The following PLPP1 variants were observed in gnomAD, a reference collection of about 807,000 sequenced individuals.
The protein encoded by PLPP1 is phospholipid phosphatase 1.
Under a neutral mutation model 31.2 loss-of-function variants are expected in PLPP1, and 24 were observed. The observed-to-expected ratio is 0.77, with a 90% CI of 0.56 to 1.08. The LOEUF (loss-of-function observed/expected upper bound fraction) is 1.08. PLPP1 is among the 50% of genes least tolerant of loss of function. The probability of loss-of-function intolerance (pLI) is 0.00; values close to 1 mark genes in which losing one functional copy is unlikely to be tolerated. For missense variants in PLPP1, 319 were observed against 342.7 expected (o/e 0.93, Z 0.55); for synonymous variants, 146 against 126.3 (o/e 1.16, Z -1.05).
chr5:55,456,890 A>C (rs1752024910), intron 3 of PLPP1, among the ~76,000 whole-genome samples: 1 of 152,186 alleles, frequency 6.6e-6, no homozygotes, highest in Non-Finnish European at 1.5e-5. Flanking sequence ...GGCCTGGTGC[A>C]GTGGCTCACG....
At chr5:55,520,205 G>C (rs1753635498) in intron 1 of PLPP1, among the ~76,000 whole-genome samples, 1 of 152,150 alleles carries the variant, frequency 6.6e-6, no homozygotes, top group Non-Finnish European at 1.5e-5. Flanking sequence ...TGTTCACCTA[G>C]AAGTACAATC....
In PLPP1 at chr5:55,440,300, G is replaced by A. The variant is rs1302008618; in HGVS notation, c.549+1551C>T. On this transcript the variant is annotated intron_variant, in intron 4 of 5. Coordinates refer to ENST00000307259, the MANE Select transcript of PLPP1 (RefSeq NM_003711.4). Reference sequence around the variant, plus strand: ...CGCCCACACATTCAAACGCCCTTCAGTCCAGTCACAGGCCCATGCTCTGGG... The same window carrying A: ...CGCCCACACATTCAAACGCCCTTCAATCCAGTCACAGGCCCATGCTCTGGG... Among the ~76,000 whole-genome samples, 7 of 152,290 alleles carry A rather than the reference G, an allele frequency of 4.6e-5. No homozygotes were observed. In the East Asian group the frequency reaches 1.2e-3, roughly 25 times the overall value.
chr5:55,445,535 CTTTTTTTTTTTT>C (rs753276317), intron 3 of PLPP1, among the ~76,000 whole-genome samples: 1 of 79,618 alleles, frequency 1.3e-5, no homozygotes, highest in Non-Finnish European at 2.3e-5. Flanking sequence ...TGCATTCACT[CTTTTTTTTTTTT>C]TTTTTTTTTT....
chr5:55,453,803 C>T (rs1348295768), intron 3 of PLPP1, among the ~76,000 whole-genome samples: 1 of 152,008 alleles, frequency 6.6e-6, no homozygotes, highest in East Asian at 1.9e-4. Context: ...TAGCCGGGTG[C>T]AGTGGCACAC....
Position 55,534,929 on chromosome 5 carries a change from C to A in PLPP1, c.-300G>T. The A allele has an allele frequency of 2.5e-6, 1 of 403,208 alleles. No individual in the cohort carries two copies. The highest frequency in any genetic ancestry group is 4.1e-5 in the South Asian group (1 of 24,592). 25.0% of individuals were successfully genotyped at this position (403,208 alleles called of 1,614,324 possible). A position where few individuals can be genotyped will look rare whatever the true frequency, so the allele number is the denominator to read the frequency against. ...CCTCCTCAGCCGGCACGGCCTGCCC[C>A]GGTTGCTCCCCGTCCGGATCCCGGC... On this transcript the variant is annotated 5_prime_UTR_variant, in exon 1 of 6. Coordinates refer to ENST00000307259, the MANE Select transcript of PLPP1 (RefSeq NM_003711.4).
chr5:55,510,608 C>T (rs1010401492), intron 1 of PLPP1, among the ~76,000 whole-genome samples: 4 of 152,168 alleles, frequency 2.6e-5, no homozygotes, highest in Non-Finnish European at 5.9e-5. Context: ...TTTCAAACCT[C>T]TTGACATGCT....
intron 1 of PLPP1, among the ~76,000 whole-genome samples, chr5:55,521,351 CAAA>C (rs35191893): frequency 1.6e-3 from 226 of 140,972 alleles, no homozygotes; most frequent in Admixed American, 2.0e-3. Context: ...GACTCTGTCT[CAAA>C]AAAAAAAAAA....
At chr5:55,532,119 C>T (rs1740689329) in intron 1 of PLPP1, among the ~76,000 whole-genome samples, 1 of 152,168 alleles carries the variant, frequency 6.6e-6, no homozygotes, top group Non-Finnish European at 1.5e-5. Flanking sequence ...ATGAAATTAA[C>T]CTTTATAGGA....
intron 1 of PLPP1, among the ~76,000 whole-genome samples, chr5:55,496,208 TA>T (rs1753001052): frequency 7.4e-6 from 1 of 134,606 alleles, no homozygotes; most frequent in African/African-American, 3.2e-5. Context: ...AGTTCTGTGT[TA>T]AAGTTAGTGT....
intron 4 of PLPP1, among the ~76,000 whole-genome samples, chr5:55,439,513 A>G (rs191105037): frequency 6.6e-6 from 1 of 152,208 alleles, no homozygotes; most frequent in African/African-American, 2.4e-5. Context: ...GCCCAGTGAC[A>G]CCCTTAAATT....
chr5:55,517,148 A>G (rs910783099), intron 1 of PLPP1, among the ~76,000 whole-genome samples: 3 of 152,270 alleles, frequency 2.0e-5, no homozygotes, highest in Admixed American at 2.0e-4. Flanking sequence ...TTAATTTACA[A>G]AATATTCAAC....
intron 1 of PLPP1, among the ~76,000 whole-genome samples, chr5:55,506,905 T>C (rs999651274): frequency 2.6e-5 from 4 of 152,244 alleles, no homozygotes; most frequent in Non-Finnish European, 1.5e-5. Context: ...AGAAAGTTTA[T>C]TTATTCCAAA....
intron 1 of PLPP1, among the ~76,000 whole-genome samples, chr5:55,515,455 A>AG (rs1394114113): frequency 2.0e-5 from 3 of 152,202 alleles, no homozygotes; most frequent in Non-Finnish European, 4.4e-5. Flanking sequence ...CCAATATTTG[A>AG]GTGTCTTCTC....
intron 1 of PLPP1, among the ~76,000 whole-genome samples, chr5:55,485,303 G>A (rs1336855392): frequency 2.6e-5 from 4 of 152,098 alleles, no homozygotes; most frequent in Non-Finnish European, 5.9e-5. Flanking sequence ...CAACACAAAA[G>A]ACAAACTTTC....
At chr5:55,461,305 T>TA (rs1463434731) in intron 3 of PLPP1, among the ~76,000 whole-genome samples, 2 of 151,292 alleles carry the variant, frequency 1.3e-5, no homozygotes, top group Non-Finnish European at 2.9e-5. Context: ...ACACTAAAGC[T>TA]AGACAAAAAC....
At chr5:55,460,533 A>C (rs1040182004) in intron 3 of PLPP1, among the ~76,000 whole-genome samples, 23 of 152,220 alleles carry the variant, frequency 1.5e-4, no homozygotes, top group African/African-American at 4.6e-4. Flanking sequence ...TAGTATAATG[A>C]CATGATGAAC....
At chr5:55,488,705 A>G (rs1272858416) in intron 1 of PLPP1, among the ~76,000 whole-genome samples, 1 of 152,204 alleles carries the variant, frequency 6.6e-6, no homozygotes, top group African/African-American at 2.4e-5. Flanking sequence ...GTGTCAAACT[A>G]AAGGAAACAT....
chr5:55,532,957 A>G (rs1278604580), intron 1 of PLPP1, among the ~76,000 whole-genome samples: 1 of 146,988 alleles, frequency 6.8e-6, no homozygotes, highest in Non-Finnish European at 1.5e-5. Flanking sequence ...CCGTCTCCAA[A>G]AAAAAAAAAA....
At chr5:55,456,918 T>C (rs577470505) in intron 3 of PLPP1, among the ~76,000 whole-genome samples, 8 of 152,136 alleles carry the variant, frequency 5.3e-5, no homozygotes, top group African/African-American at 1.9e-4. Context: ...TCCCAGCACT[T>C]TGGGAGGCTA....
Sources: allele counts gnomAD v4.1 joint callset (sites outside exome capture counted in the v4.1 genomes callset), GRCh38; gene constraint gnomAD v4.1.1; transcripts MANE v1.5; gene names NCBI Gene and HGNC (gene_info 2026-07-23, HGNC 2026-07-21).